B4GALNT2: variants seen among roughly 807,000 people sequenced by gnomAD.
B4GALNT2 encodes beta-1,4-N-acetyl-galactosaminyltransferase 2 (SID blood group), also known as N-acetylneuraminylgalactosylglucosyl-glucoside beta-1,4-N- acetylgalactosaminyltransferase 2.
Under a neutral mutation model 51.1 loss-of-function variants are expected in B4GALNT2, and 42 were observed. That is an observed-to-expected ratio of 0.82 (90% CI 0.64 to 1.06). B4GALNT2 has a LOEUF of 1.06. Ranked by LOEUF, B4GALNT2 falls within the 50% of genes least tolerant of loss-of-function variation. B4GALNT2 has a pLI of 0.00. For missense variants in B4GALNT2, 602 were observed against 633.6 expected, an observed-to-expected ratio of 0.95 and a Z score of 0.54; for synonymous variants, 253 against 251.7, an observed-to-expected ratio of 1.01 and a Z score of -0.05.
chr17:49,134,278 T>C (rs544003159), intron 1 of B4GALNT2, among the ~76,000 whole-genome samples: 7 of 152,388 alleles, frequency 4.6e-5, no homozygotes, highest in Admixed American at 1.3e-4. Flanking sequence ...TTTTGATACA[T>C]GTAGTGATAA....
chr17:49,168,823 T>A lies in B4GALNT2; in HGVS notation c.1238T>A (p.Val413Asp), dbSNP rs200407399. 6 of 1,613,716 alleles carry A rather than the reference T, an allele frequency of 3.7e-6. No homozygotes were observed. Among genetic ancestry groups the A allele is most frequent in the Non-Finnish European group, 1.7e-6 (2 of 1,180,016 alleles). Reference sequence around the variant, plus strand: ...AGCTGCGTGGTGACCAGTGGCGTGGTCAACTTCTTCCTGGCCCACACGGAG... The same window carrying A: ...AGCTGCGTGGTGACCAGTGGCGTGGACAACTTCTTCCTGGCCCACACGGAG... The part of the protein sequence containing the change: ...FPSCVVTSGV[V>D]NFFLAHTERL... The change falls in exon 10 of 11, where the codon GTC becomes GAC. Residue 413 changes from valine (V) to aspartate (D), a missense_variant. Coordinates refer to ENST00000393354, the MANE Select transcript of B4GALNT2 (RefSeq NM_001159387.2).
At chr17:49,129,756 G>A (rs1434025926), upstream of B4GALNT2, among the ~76,000 whole-genome samples, 5 of 152,136 alleles carry the variant, frequency 3.3e-5, no homozygotes, top group East Asian at 5.8e-4. Flanking sequence ...CTGGTCAGAG[G>A]AGAGGTTATC....
At chr17:49,140,386 C>T (rs1382461124) in intron 1 of B4GALNT2, among the ~76,000 whole-genome samples, 1 of 152,186 alleles carries the variant, frequency 6.6e-6, no homozygotes, top group African/African-American at 2.4e-5. Context: ...AGGCATGAGC[C>T]ACCACACCCG....
the B4GALNT2 span, among the ~76,000 whole-genome samples, chr17:49,126,408 T>C: frequency 1.3e-5 from 2 of 151,366 alleles, no homozygotes; most frequent in Admixed American, 6.6e-5. Flanking sequence ...AGACCTTTGT[T>C]CACTTGTTTA....
chr17:49,142,386 A>G (rs1598200096), intron 3 of B4GALNT2, among the ~76,000 whole-genome samples: 1 of 151,910 alleles, frequency 6.6e-6, no homozygotes, highest in East Asian at 1.9e-4. Context: ...AACATTTCAT[A>G]ACAACAACAA....
chr17:49,122,444 C>T, the B4GALNT2 span, among the ~76,000 whole-genome samples: 1 of 152,132 alleles, frequency 6.6e-6, no homozygotes, highest in African/African-American at 2.4e-5. Context: ...GGGTAGTTGT[C>T]TGTGAAATGG....
intron 3 of B4GALNT2, among the ~76,000 whole-genome samples, chr17:49,147,329 CTCT>C (rs1171799169): frequency 6.6e-6 from 1 of 151,586 alleles, no homozygotes; most frequent in African/African-American, 2.4e-5. Flanking sequence ...CATTTTTTTC[CTCT>C]TCTTTTCTTG....
At chr17:49,126,321 C>T in the B4GALNT2 span, among the ~76,000 whole-genome samples, 1 of 151,928 alleles carries the variant, frequency 6.6e-6, no homozygotes, top group Admixed American at 6.6e-5. Context: ...TAAGAGTCAC[C>T]ACCACTCCCT....
chr17:49,141,211 G>T (rs778987199), intron 1 of B4GALNT2, 36 bp from the exon 2 acceptor site: 17 of 1,584,348 alleles, frequency 1.1e-5, no homozygotes, highest in East Asian at 2.2e-5. Flanking sequence ...CAAGAAAAAA[G>T]ATTTTAACAT....
intron 9 of B4GALNT2, among the ~76,000 whole-genome samples, chr17:49,168,060 T>A (rs920285360): frequency 3.3e-5 from 5 of 152,148 alleles, no homozygotes; most frequent in Non-Finnish European, 7.4e-5. Flanking sequence ...GAAGGGTCAT[T>A]TATTAAAAGG....
chr17:49,171,064 A>AT lies in B4GALNT2; in HGVS notation c.*1337dup, dbSNP rs1175577157. 1 of 165,708 alleles carries AT rather than the reference A, an allele frequency of 6.0e-6. No individual in the cohort carries two copies. Among genetic ancestry groups the AT allele is most frequent in the Non-Finnish European group, 1.3e-5 (1 of 76,388 alleles). The allele number at this position is 165,708 out of a possible 1,614,324, so 10.3% of individuals were successfully genotyped here. On this transcript the variant is annotated 3_prime_UTR_variant, in exon 11 of 11. Transcript: ENST00000393354. ...AACCTTCAGTTTGGGCATCATGGCC[A>AT]TCATGAACATGTCACAGTACTGCAG...
At chr17:49,133,633 C>A (rs888877103) in intron 1 of B4GALNT2, among the ~76,000 whole-genome samples, 1 of 152,120 alleles carries the variant, frequency 6.6e-6, no homozygotes, top group African/African-American at 2.4e-5. Context: ...ACACGTTTGG[C>A]CGGGCGCAGT....
In B4GALNT2 at chr17:49,141,424, C is replaced by T. The variant is rs759054177; in HGVS notation, c.192C>T (p.Asn64=). The T allele has an allele frequency of 3.1e-6, 5 of 1,614,046 alleles. No homozygotes were observed. In the African/African-American group the frequency reaches 5.3e-5, roughly 17 times the overall value. ...LKLLPEERLR[N]LFSYDGIWLF... is the part of the protein sequence containing the mutation. ...TTCTGCCTGAGGAACGTCTCAGGAA[C>T]CTCTTTTCCTACGATGGAATCTGGT... Residue 64 remains asparagine, a synonymous_variant, in exon 2 of 11, where the codon AAC becomes AAT. Transcript: ENST00000393354.
intron 1 of B4GALNT2, among the ~76,000 whole-genome samples, chr17:49,135,650 G>A (rs1349995729): frequency 6.6e-6 from 1 of 152,086 alleles, no homozygotes; most frequent in Non-Finnish European, 1.5e-5. Context: ...AATCTGTTCT[G>A]TTAGCCTCTG....
chr17:49,169,433 C>T, intron 10 of B4GALNT2, 90 bp from the exon 11 acceptor site: 1 of 1,261,000 alleles, frequency 7.9e-7, no homozygotes, highest in South Asian at 1.2e-5. Context: ...ACTGTGTCCT[C>T]TCCCTGGGAC....
the B4GALNT2 span, among the ~76,000 whole-genome samples, chr17:49,125,663 A>C: frequency 7.7e-6 from 1 of 129,110 alleles, no homozygotes; most frequent in Non-Finnish European, 1.6e-5. Context: ...GGGGGTGAGG[A>C]GCGTCTCCGC....
chr17:49,129,829 G>A (rs1390961590), upstream of B4GALNT2, among the ~76,000 whole-genome samples: 4 of 152,184 alleles, frequency 2.6e-5, no homozygotes, highest in East Asian at 5.8e-4. Flanking sequence ...TTTCTGGTCC[G>A]AGATGTCATT....
At chr17:49,139,690 A>G (rs922997177) in intron 1 of B4GALNT2, among the ~76,000 whole-genome samples, 2 of 151,876 alleles carry the variant, frequency 1.3e-5, no homozygotes, top group Non-Finnish European at 2.9e-5. Context: ...CTATTTTTCA[A>G]TTTTTTGTAG....
chr17:49,152,952 C>A, intron 4 of B4GALNT2, 46 bp downstream of exon 4: 9 of 1,514,902 alleles, frequency 5.9e-6, no homozygotes, highest in Non-Finnish European at 8.1e-6. Context: ...CATTCTCACT[C>A]TTCTAAGGCA....
Sources: gnomAD v4.1 joint callset for allele counts (sites outside exome capture counted in the v4.1 genomes callset) on GRCh38, gnomAD v4.1.1 for gene constraint, MANE v1.5 for transcripts, NCBI Gene and HGNC (gene_info 2026-07-23, HGNC 2026-07-21) for gene names.